The following DNAH14 variants were observed in gnomAD, a reference collection of about 807,000 sequenced individuals.
DNAH14 encodes dynein axonemal heavy chain 14.
A neutral mutation model predicts 520.9 loss-of-function variants in DNAH14; 478 were observed. The observed-to-expected ratio is 0.92, with a 90% CI of 0.85 to 0.99. The LOEUF is 0.99. Among genes scored for constraint, DNAH14 ranks in the 50% least tolerant of loss-of-function variants. The pLI is 0.00. For missense variants in DNAH14, 4,831 were observed against 5,234.5 expected (o/e 0.92, Z 2.38); for synonymous variants, 1,581 against 1,757.2 (o/e 0.90, Z 2.51).
intron 43 of DNAH14, among the ~76,000 whole-genome samples, chr1:225,249,806 T>G (rs968046489): frequency 2.6e-5 from 4 of 152,246 alleles, no homozygotes; most frequent in African/African-American, 9.6e-5. Context: ...TAAATTAAGC[T>G]TCAATAAGCA....
intron 41 of DNAH14, among the ~76,000 whole-genome samples, chr1:225,215,415 T>A (rs1055072096): frequency 5.9e-5 from 9 of 152,332 alleles, no homozygotes; most frequent in South Asian, 2.1e-4. Context: ...TGTAGATTTC[T>A]ATGAGGCCTG....
chr1:225,139,412 G>C (rs372384254), intron 27 of DNAH14, among the ~76,000 whole-genome samples: 1 of 152,196 alleles, frequency 6.6e-6, no homozygotes, highest in Admixed American at 6.5e-5. Flanking sequence ...TTTTGCCAAA[G>C]TTTTTCACAC....
intron 9 of DNAH14, among the ~76,000 whole-genome samples, chr1:225,004,270 AT>A (rs2063995516): frequency 6.6e-6 from 1 of 152,192 alleles, no homozygotes; most frequent in African/African-American, 2.4e-5. Flanking sequence ...TTTCTTTGTT[AT>A]GCTAATCATT....
intron 8 of DNAH14, among the ~76,000 whole-genome samples, chr1:224,984,390 C>T (rs1434273800): frequency 1.3e-5 from 2 of 152,156 alleles, no homozygotes; most frequent in Non-Finnish European, 2.9e-5. Context: ...CAAAAATCAA[C>T]TGAAGATGGA....
At chr1:225,049,264 T>C (rs952752702) in intron 15 of DNAH14, among the ~76,000 whole-genome samples, 8 of 152,048 alleles carry the variant, frequency 5.3e-5, no homozygotes, top group African/African-American at 1.9e-4. Flanking sequence ...GGTTTCACCA[T>C]CTTGGCCATG....
intron 4 of DNAH14, among the ~76,000 whole-genome samples, chr1:224,963,914 G>T (rs757047442): frequency 3.8e-4 from 58 of 152,206 alleles, no homozygotes; most frequent in Admixed American, 8.5e-4. Context: ...TCTTAGCATG[G>T]CTTTTTGTAT....
intron 15 of DNAH14, among the ~76,000 whole-genome samples, chr1:225,045,148 A>AC (rs1437520561): frequency 6.6e-6 from 1 of 152,028 alleles, no homozygotes; most frequent in African/African-American, 2.4e-5. Flanking sequence ...AGTTCTTACC[A>AC]ATCTTTCCAT....
At chr1:225,253,525 T>A (rs1463174882) in intron 44 of DNAH14, among the ~76,000 whole-genome samples, 4 of 152,126 alleles carry the variant, frequency 2.6e-5, no homozygotes, top group Non-Finnish European at 4.4e-5. Flanking sequence ...ATATGATAAA[T>A]TGTTTGGACA....
chr1:225,030,654 C>G (rs1030356489), intron 11 of DNAH14, among the ~76,000 whole-genome samples: 3 of 151,884 alleles, frequency 2.0e-5, no homozygotes, highest in Admixed American at 6.6e-5. Flanking sequence ...GACAATTACC[C>G]TAACATCTGG....
intron 23 of DNAH14, among the ~76,000 whole-genome samples, chr1:225,115,514 T>C (rs1426157758): frequency 6.6e-6 from 1 of 152,188 alleles, no homozygotes; most frequent in Non-Finnish European, 1.5e-5. Flanking sequence ...CATTAATTGC[T>C]TTTGCTTACT....
chr1:225,163,137 C>CAAAAAAAAAAAAA (rs34356854), intron 35 of DNAH14, among the ~76,000 whole-genome samples: 1 of 53,684 alleles, frequency 1.9e-5, no homozygotes, highest in Non-Finnish European at 3.6e-5. Context: ...GACCCTATCT[C>CAAAAAAAAAAAAA]AAAAAAAAAA....
At chr1:225,394,841 C>CT (rs1046993697) in intron 84 of DNAH14, among the ~76,000 whole-genome samples, 2 of 122,466 alleles carry the variant, frequency 1.6e-5, no homozygotes, top group Non-Finnish European at 3.4e-5. Context: ...GAGACTCTGT[C>CT]TAAAAAAAAA....
chr1:225,257,990 C>G lies in DNAH14; in HGVS notation c.6896C>G (p.Ser2299Cys). The G allele has an allele frequency of 1.3e-6, 2 of 1,548,030 alleles. No individual in the cohort carries two copies. Among genetic ancestry groups the G allele is most frequent in the Non-Finnish European group, 1.7e-6 (2 of 1,145,946 alleles). ...GTSLLTNLQR[S>C]GGNFLKITEC... ...TCATTACTAACTAATCTTCAAAGAT[C>G]TGGCGGAAACTTCTTGAAGATAACA... is the stretch of plus-strand genomic sequence containing the variant. The change falls in exon 45 of 86, where the codon TCT becomes TGT. Residue 2299 changes from serine to cysteine, a missense_variant. By Grantham distance (112) the Ser-to-Cys change is moderately radical. Coordinates refer to ENST00000682510, the MANE Select transcript of DNAH14 (RefSeq NM_001367479.1).
At chr1:225,144,651 A>G (rs1221789081) in intron 29 of DNAH14, 23 bp downstream of exon 29, 1 of 1,519,636 alleles carries the variant, frequency 6.6e-7, no homozygotes, top group Non-Finnish European at 8.9e-7. Flanking sequence ...TGTATCCAGA[A>G]TAAAAACTTT....
rs548203657 is a variant in DNAH14, at chr1:225,069,803, A to G, written c.2425-9404A>G. Among the ~76,000 whole-genome samples the G allele has an allele frequency of 6.6e-5, 10 of 152,128 alleles. No individual in the cohort carries two copies. In the South Asian group the frequency reaches 1.5e-3, roughly 22 times the overall value. ...GAATGGTACCAGCCCTTCTTTGTTC[A>G]TCTGGTAGAATTCAACTGTGAATCC... On this transcript the variant is annotated intron_variant, in intron 17 of 85. Coordinates refer to ENST00000682510, the MANE Select transcript of DNAH14 (RefSeq NM_001367479.1).
chr1:225,282,288 C>T (rs1268665749), intron 54 of DNAH14, among the ~76,000 whole-genome samples: 1 of 152,156 alleles, frequency 6.6e-6, no homozygotes, highest in Non-Finnish European at 1.5e-5. Flanking sequence ...AGTTTTGGGC[C>T]TGGCTGTGGT....
chr1:225,357,778 G>A (rs1476189282), intron 73 of DNAH14: 7 of 702,084 alleles, frequency 1.0e-5, no homozygotes, highest in East Asian at 8.0e-5. Context: ...GCACACTGAC[G>A]TGTGTAGCTT....
At chr1:225,169,093 T>C (rs2082333872) in intron 36 of DNAH14, among the ~76,000 whole-genome samples, 2 of 152,020 alleles carry the variant, frequency 1.3e-5, no homozygotes, top group Non-Finnish European at 2.9e-5. Flanking sequence ...GAGGGTCCTC[T>C]TAGAAGGAAA....
At position 225,165,671 on chromosome 1, in the gene DNAH14, G is replaced by A. The variant is rs145287404; in HGVS notation, c.5446-2268G>A. 1.6e-4 allele frequency among the ~76,000 whole-genome samples: 24 copies of A among 151,644 alleles called. No homozygotes were observed. The East Asian group carries it at 2.3e-3, about 15-fold the overall frequency. On this transcript the variant is annotated intron_variant, in intron 35 of 85. Coordinates refer to ENST00000682510, the MANE Select transcript of DNAH14 (RefSeq NM_001367479.1). ...CCTGTTCTCATCTCACTGCAGCCTC[G>A]ACCTCGGGCTCAAGCAATCCTCCTG...
Sources: gnomAD v4.1 joint callset for allele counts (sites outside exome capture counted in the v4.1 genomes callset) on GRCh38, gnomAD v4.1.1 for gene constraint, MANE v1.5 for transcripts, NCBI Gene and HGNC (gene_info 2026-07-23, HGNC 2026-07-21) for gene names.